The following PPP2R1B variants were observed in gnomAD, a reference collection of about 807,000 sequenced individuals.
PPP2R1B encodes the protein serine/threonine-protein phosphatase 2A 65 kDa regulatory subunit A beta isoform.
A neutral mutation model predicts 72.7 loss-of-function variants in PPP2R1B; 58 were observed. That is an observed-to-expected ratio of 0.80 (90% CI 0.65 to 0.99). PPP2R1B has a LOEUF of 0.99. Among genes scored for constraint, PPP2R1B ranks in the 50% least tolerant of loss-of-function variants. The pLI, the probability that PPP2R1B is intolerant of heterozygous loss-of-function variation, is 0.00. For synonymous variants in PPP2R1B, 256 were observed against 264.6 expected, an observed-to-expected ratio of 0.97 and a Z score of 0.32; for missense variants, 695 against 733.6, an observed-to-expected ratio of 0.95 and a Z score of 0.61.
downstream of PPP2R1B, chr11:111,737,372 C>A: frequency 6.2e-7 from 1 of 1,604,522 alleles, no homozygotes; most frequent in Non-Finnish European, 8.5e-7. Flanking sequence ...CCTGTGGCAG[C>A]TCCCTGCACA....
chr11:111,737,823 C>T, downstream of PPP2R1B: 2 of 1,292,914 alleles, frequency 1.5e-6, no homozygotes, highest in Non-Finnish European at 2.0e-6. Context: ...CTGTTCCCCA[C>T]ATCCTGGTCA....
chr11:111,699,076 G>A, the PPP2R1B span, among the ~76,000 whole-genome samples: 2 of 152,186 alleles, frequency 1.3e-5, no homozygotes, highest in African/African-American at 4.8e-5. Context: ...GGAGTGGTTA[G>A]TCATAGAGGT....
At chr11:111,712,641 CT>C in the PPP2R1B span, among the ~76,000 whole-genome samples, 1 of 152,162 alleles carries the variant, frequency 6.6e-6, no homozygotes, top group Admixed American at 6.5e-5. Context: ...TCACTAATTC[CT>C]TCTCTCTTCA....
chr11:111,721,899 C>T, the PPP2R1B span: 2 of 1,611,758 alleles, frequency 1.2e-6, no homozygotes, highest in Non-Finnish European at 1.7e-6. Context: ...GCTGTCCCCA[C>T]GGCAGAGCCT....
the PPP2R1B span, among the ~76,000 whole-genome samples, chr11:111,706,426 T>C: frequency 6.6e-6 from 1 of 152,114 alleles, no homozygotes; most frequent in African/African-American, 2.4e-5. Context: ...GAGGTTGAGA[T>C]GAATGGTTGG....
Position 111,740,817 on chromosome 11 carries a change from T to C in PPP2R1B, c.*779A>G. Reference sequence around the variant, plus strand: ...GAAATACAGAACTGCAATCTCACAATGAAACAAACATACTGCTTATTAGGA... The same window carrying C: ...GAAATACAGAACTGCAATCTCACAACGAAACAAACATACTGCTTATTAGGA... On this transcript the variant is annotated 3_prime_UTR_variant, in exon 15 of 15. Transcript: ENST00000527614. 1 of 985,332 alleles carries C rather than the reference T, an allele frequency of 1.0e-6. No individual in the cohort carries two copies. The highest frequency in any genetic ancestry group is 1.2e-6 in the Non-Finnish European group (1 of 829,866). 61.0% of individuals were successfully genotyped at this position (985,332 alleles called of 1,614,324 possible). A position where few individuals can be genotyped will look rare whatever the true frequency, so the allele number is the denominator to read the frequency against.
chr11:111,714,132 G>A, the PPP2R1B span, among the ~76,000 whole-genome samples: 1 of 152,184 alleles, frequency 6.6e-6, no homozygotes, highest in Non-Finnish European at 1.5e-5. Flanking sequence ...AACCGGGGGT[G>A]AGGAGTGATG....
the PPP2R1B span, among the ~76,000 whole-genome samples, chr11:111,697,161 G>T: frequency 2.2e-4 from 33 of 152,220 alleles, no homozygotes; most frequent in African/African-American, 7.7e-4. Context: ...GTAGCTAGCT[G>T]TATAACCTCT....
At chr11:111,741,993 T>C (rs757274486) in intron 14 of PPP2R1B, 60 bp downstream of exon 14, 1 of 1,354,720 alleles carries the variant, frequency 7.4e-7, no homozygotes, top group African/African-American at 1.4e-5. Context: ...TCTCACATAA[T>C]AGAGATAAAT....
chr11:111,703,139 C>T, the PPP2R1B span: 1 of 1,479,028 alleles, frequency 6.8e-7, no homozygotes, highest in Non-Finnish European at 9.4e-7. Flanking sequence ...TCACATGAGT[C>T]AAGCAAATAA....
chr11:111,713,342 T>C, the PPP2R1B span, among the ~76,000 whole-genome samples: 3 of 152,212 alleles, frequency 2.0e-5, no homozygotes, highest in East Asian at 5.8e-4. Flanking sequence ...TAGAGTGTCA[T>C]AGAAAACACA....
At chr11:111,688,237 G>A in the PPP2R1B span, 12,528 of 1,477,532 alleles carry the variant, frequency 8.5e-3, 68 homozygotes, top group Middle Eastern at 0.026. This position sits in a 1 kb window ranked among gnomAD's most constrained non-coding sequence, Gnocchi z 4.2. Flanking sequence ...CAGACCTGCA[G>A]GCGCAGATTC....
the PPP2R1B span, among the ~76,000 whole-genome samples, chr11:111,714,313 C>G: frequency 1.3e-5 from 2 of 152,202 alleles, no homozygotes; most frequent in African/African-American, 4.8e-5. Context: ...GATGTTTTCC[C>G]TAAGCGAGTG....
At chr11:111,697,403 G>A in the PPP2R1B span, among the ~76,000 whole-genome samples, 2 of 152,130 alleles carry the variant, frequency 1.3e-5, no homozygotes, top group South Asian at 2.1e-4. Context: ...CCCTGCTCCC[G>A]AGGAACTTAG....
At chr11:111,753,919 TA>T (rs1945007448) in intron 8 of PPP2R1B, among the ~76,000 whole-genome samples, 1 of 151,182 alleles carries the variant, frequency 6.6e-6, no homozygotes, top group Non-Finnish European at 1.5e-5. Context: ...ACGCCTGGCC[TA>T]ATTTTTTTTT....
intron 15 of PPP2R1B, chr11:111,727,807 G>C (rs1281891479): frequency 1.3e-5 from 2 of 152,344 alleles, no homozygotes; most frequent in Non-Finnish European, 2.9e-5. Flanking sequence ...GGTCCCAGGC[G>C]TGTGGGCACT....
intron 15 of PPP2R1B, among the ~76,000 whole-genome samples, chr11:111,732,120 T>G (rs1944212178): frequency 1.3e-5 from 2 of 152,226 alleles, no homozygotes; most frequent in African/African-American, 2.4e-5. Flanking sequence ...CAGCAGTGCC[T>G]GCACTTCCCA....
chr11:111,697,544 G>A, the PPP2R1B span, among the ~76,000 whole-genome samples: 1 of 152,186 alleles, frequency 6.6e-6, no homozygotes, highest in African/African-American at 2.4e-5. Flanking sequence ...TTCATGAAAT[G>A]TAAGTGTTGT....
chr11:111,764,705 G>T, intron 3 of PPP2R1B, 100 bp downstream of exon 3: 2 of 1,172,962 alleles, frequency 1.7e-6, no homozygotes, highest in Non-Finnish European at 1.2e-6. Context: ...CCCATAAAAA[G>T]ATCTGCATAA....
Sources: allele counts gnomAD v4.1 joint callset (sites outside exome capture counted in the v4.1 genomes callset), GRCh38; gene constraint gnomAD v4.1.1; non-coding constraint Gnocchi (gnomAD v3.1); transcripts MANE v1.5; gene names NCBI Gene and HGNC (gene_info 2026-07-23, HGNC 2026-07-21).